CDC42BPA: variants seen among roughly 807,000 people sequenced by gnomAD.
The protein encoded by CDC42BPA is CDC42 binding protein kinase alpha, also known as serine/threonine-protein kinase MRCK alpha.
CDC42BPA carries 80 observed loss-of-function variants against 223.5 expected under a neutral mutation model. The observed-to-expected ratio is 0.36, with a 90% CI of 0.30 to 0.43. The LOEUF is 0.43. Among genes scored for constraint, CDC42BPA ranks in the 20% least tolerant of loss-of-function variants. The pLI is 1.00. For missense variants in CDC42BPA, 1,743 were observed against 2,099.9 expected (o/e 0.83, Z 3.32); for synonymous variants, 694 against 718.6 (o/e 0.97, Z 0.55).
intron 8 of CDC42BPA, 87 bp from the exon 9 acceptor site, chr1:227,143,111 AT>A: frequency 1.3e-6 from 1 of 773,844 alleles, no homozygotes; most frequent in Non-Finnish European, 1.9e-6. Context: ...AAAAAGAAAT[AT>A]TTAAAAAAAA....
At chr1:227,098,299 G>A (rs1684392426) in intron 15 of CDC42BPA, among the ~76,000 whole-genome samples, 1 of 151,866 alleles carries the variant, frequency 6.6e-6, no homozygotes, top group South Asian at 2.1e-4. Context: ...CATTCACTAA[G>A]TGTTTTCATA....
intron 35 of CDC42BPA, among the ~76,000 whole-genome samples, chr1:226,999,808 A>T (rs1260346783): frequency 6.6e-6 from 1 of 152,116 alleles, no homozygotes; most frequent in Non-Finnish European, 1.5e-5. Context: ...AGGGACATGG[A>T]TGAAGCTGGA....
At chr1:227,207,433 T>C (rs1314711227) in intron 3 of CDC42BPA, among the ~76,000 whole-genome samples, 2 of 150,010 alleles carry the variant, frequency 1.3e-5, no homozygotes, top group Non-Finnish European at 3.0e-5. Flanking sequence ...GTTACATATG[T>C]ATACATGTGC....
At chr1:227,142,521 TC>T in intron 9 of CDC42BPA, among the ~76,000 whole-genome samples, 1 of 152,350 alleles carries the variant, frequency 6.6e-6, no homozygotes, top group South Asian at 2.1e-4. Flanking sequence ...AGCAGTAGGC[TC>T]ACTCTATTTT....
chr1:227,011,259 G>T (rs1665141112), intron 34 of CDC42BPA, among the ~76,000 whole-genome samples: 2 of 152,122 alleles, frequency 1.3e-5, no homozygotes, highest in South Asian at 2.1e-4. Context: ...ATTTGCAAAA[G>T]ATCATTCTTT....
At chr1:227,300,839 C>T (rs1691504099) in intron 1 of CDC42BPA, among the ~76,000 whole-genome samples, 1 of 152,198 alleles carries the variant, frequency 6.6e-6, no homozygotes, top group African/African-American at 2.4e-5. Flanking sequence ...CACACACGCA[C>T]ACACGGCATT....
rs146048560 is a variant in CDC42BPA at position 227,029,547 on chromosome 1, G to A, written c.3839-297C>T. On this transcript the variant is annotated intron_variant, in intron 29 of 36. Coordinates refer to ENST00000366766, the MANE Select transcript of CDC42BPA (RefSeq NM_001394014.1). ...CTACTGGCACTAAATTCTAGGGAAC[G>A]TCACCATAGGATTCCCATTTTTAAA... 6.0e-3 allele frequency among the ~76,000 whole-genome samples: 909 copies of A among 152,250 alleles called. 10 individuals carry two copies. The highest frequency in any genetic ancestry group is 0.021 in the African/African-American group (856 of 41,540).
chr1:227,130,714 G>A (rs1041656299), intron 10 of CDC42BPA, among the ~76,000 whole-genome samples: 2 of 152,054 alleles, frequency 1.3e-5, no homozygotes, highest in African/African-American at 2.4e-5. Flanking sequence ...AATTAGCCAC[G>A]CATGGTGGTG....
chr1:227,038,169 T>C (rs578094338), intron 24 of CDC42BPA, among the ~76,000 whole-genome samples: 12 of 109,740 alleles, frequency 1.1e-4, no homozygotes, highest in African/African-American at 4.7e-4. Context: ...GTGATAGTGA[T>C]TAAGTCTCGT....
intron 2 of CDC42BPA, among the ~76,000 whole-genome samples, 188 bp downstream of exon 2, chr1:227,253,876 T>G (rs1026115324): frequency 1.3e-4 from 20 of 152,146 alleles, no homozygotes; most frequent in Admixed American, 4.6e-4. Flanking sequence ...AGTAGAAATA[T>G]TTCATTCAAC....
intron 21 of CDC42BPA, chr1:227,059,267 A>G: frequency 1.1e-6 from 1 of 891,234 alleles, no homozygotes; most frequent in South Asian, 1.5e-5. Flanking sequence ...CAATAGATGT[A>G]ATAATATACC....
intron 1 of CDC42BPA, among the ~76,000 whole-genome samples, chr1:227,279,795 A>G (rs1687716773): frequency 6.6e-6 from 1 of 152,154 alleles, no homozygotes; most frequent in South Asian, 2.1e-4. Flanking sequence ...GGTGGCTCAC[A>G]CTTGTAATCC....
intron 16 of CDC42BPA, among the ~76,000 whole-genome samples, chr1:227,088,410 TAACATTTTA>T (rs1308088564): frequency 2.0e-5 from 3 of 152,202 alleles, no homozygotes; most frequent in Admixed American, 2.0e-4. Context: ...AAAATGCTCT[TAACATTTTA>T]AGTGAAAAGG....
intron 14 of CDC42BPA, among the ~76,000 whole-genome samples, chr1:227,110,427 T>C (rs148538264): frequency 1.3e-5 from 2 of 152,294 alleles, no homozygotes; most frequent in East Asian, 3.9e-4. Context: ...TAGGTAAACA[T>C]GATACAGAGT....
intron 3 of CDC42BPA, among the ~76,000 whole-genome samples, chr1:227,200,429 T>C (rs1050028396): frequency 2.1e-4 from 7 of 33,348 alleles, no homozygotes; most frequent in African/African-American, 8.4e-4. Context: ...AGACCTTGCC[T>C]TAAAAAACAA....
At chr1:227,059,459 A>T (rs10495265) in intron 21 of CDC42BPA, 111,412 of 1,476,646 alleles carry the variant, frequency 0.075, 4,888 homozygotes, top group East Asian at 0.15. Context: ...ATTTACACAC[A>T]TAAGACTCTC....
intron 10 of CDC42BPA, among the ~76,000 whole-genome samples, chr1:227,133,470 C>T (rs1268095314): frequency 6.6e-6 from 1 of 152,204 alleles, no homozygotes. Flanking sequence ...GTGTACCCAA[C>T]AGCTCATTGA....
intron 34 of CDC42BPA, among the ~76,000 whole-genome samples, chr1:227,008,510 T>C (rs11588904): frequency 0.38 from 57,329 of 152,036 alleles, 11,474 homozygotes; most frequent in Non-Finnish European, 0.46. Flanking sequence ...AATAAAAGTC[T>C]AGAACTGGAA....
intron 25 of CDC42BPA, among the ~76,000 whole-genome samples, chr1:227,035,170 G>A (rs1006755615): frequency 6.6e-6 from 1 of 152,064 alleles, no homozygotes; most frequent in African/African-American, 2.4e-5. Context: ...TGCCTTAATA[G>A]CTCATAATTC....
Sources: allele counts gnomAD v4.1 joint callset (sites outside exome capture counted in the v4.1 genomes callset), GRCh38; gene constraint gnomAD v4.1.1; transcripts MANE v1.5; gene names NCBI Gene and HGNC (gene_info 2026-07-23, HGNC 2026-07-21).